Variants in PRKN observed in about 807,000 individuals in gnomAD.
The protein encoded by PRKN is parkin RBR E3 ubiquitin protein ligase.
PRKN carries 56 observed loss-of-function variants against 59.5 expected under a neutral mutation model. The observed-to-expected ratio is 0.94, with a 90% confidence interval of 0.76 to 1.18. PRKN has a LOEUF of 1.18. Among genes scored for constraint, PRKN ranks in the 50% most tolerant of loss-of-function variants. The pLI is 0.00. For synonymous variants in PRKN, 250 were observed against 222.1 expected (o/e 1.13, Z -1.12); for missense variants, 657 against 596.4 (o/e 1.10, Z -1.06).
chr6:161,516,695 C>T (rs1436198336), intron 9 of PRKN, among the ~76,000 whole-genome samples: 10 of 150,368 alleles, frequency 6.7e-5, no homozygotes, highest in East Asian at 2.0e-4. Context: ...GGCATGGTGT[C>T]GCATGCTTAT....
At chr6:161,826,451 T>C (rs1013545720) in intron 6 of PRKN, among the ~76,000 whole-genome samples, 1 of 152,198 alleles carries the variant, frequency 6.6e-6, no homozygotes, top group African/African-American at 2.4e-5. Context: ...GCAAAAATAG[T>C]ATATTTCTGC....
chr6:162,044,713 C>T (rs980321653), intron 5 of PRKN, among the ~76,000 whole-genome samples: 10 of 152,142 alleles, frequency 6.6e-5, no homozygotes, highest in Non-Finnish European at 1.2e-4. Flanking sequence ...TTATTCCTGT[C>T]ATTTCCTGTA....
intron 6 of PRKN, among the ~76,000 whole-genome samples, chr6:161,882,228 T>G (rs1003972722): frequency 6.6e-6 from 1 of 152,352 alleles, no homozygotes; most frequent in Non-Finnish European, 1.5e-5. Context: ...GACTTCCTTT[T>G]TGTTTGTACT....
intron 6 of PRKN, among the ~76,000 whole-genome samples, chr6:161,803,086 CA>C (rs1450782207): frequency 6.6e-6 from 1 of 152,178 alleles, no homozygotes; most frequent in Non-Finnish European, 1.5e-5. Flanking sequence ...GGACTTATAG[CA>C]GAGTGAATTC....
chr6:162,507,534 GAATA>G (rs1189506036), intron 1 of PRKN, among the ~76,000 whole-genome samples: 3 of 152,110 alleles, frequency 2.0e-5, no homozygotes, highest in Admixed American at 6.6e-5. Context: ...TGATTTTGAA[GAATA>G]AATGTTTTTA....
intron 1 of PRKN, among the ~76,000 whole-genome samples, chr6:162,452,077 C>T (rs1009400456): frequency 3.9e-5 from 6 of 151,902 alleles, no homozygotes; most frequent in East Asian, 1.9e-4. Context: ...CCAGAAGTGA[C>T]GGCACAATAT....
intron 1 of PRKN, among the ~76,000 whole-genome samples, chr6:162,693,609 A>G (rs907642324): frequency 6.6e-6 from 1 of 152,196 alleles, no homozygotes; most frequent in African/African-American, 2.4e-5. Context: ...ATTAAATTTC[A>G]TTCTTTATGA....
At chr6:161,801,373 T>C (rs1461659090) in intron 6 of PRKN, among the ~76,000 whole-genome samples, 1 of 152,168 alleles carries the variant, frequency 6.6e-6, no homozygotes, top group Non-Finnish European at 1.5e-5. Context: ...AGTTCACGGT[T>C]CTTTCGGGAG....
At chr6:161,679,556 CTTTTTTTTTTT>C (rs34325718) in intron 7 of PRKN, among the ~76,000 whole-genome samples, 1,804 of 109,040 alleles carry the variant, frequency 0.017, 47 homozygotes, top group African/African-American at 0.052. Flanking sequence ...AGTTTCAAGT[CTTTTTTTTTTT>C]TTTTTTTTTT....
At chr6:161,742,072 T>C (rs572087591) in intron 7 of PRKN, among the ~76,000 whole-genome samples, 1 of 152,048 alleles carries the variant, frequency 6.6e-6, no homozygotes, top group Non-Finnish European at 1.5e-5. Flanking sequence ...GAGGCTCAAG[T>C]GATTCTCCTG....
Position 162,316,503 on chromosome 6 carries a change from AGCTAAGTTTATCATT to A in PRKN, c.172-53753_172-53739del, listed in dbSNP as rs1200341965. 1.1e-4 allele frequency among the ~76,000 whole-genome samples: 17 copies of A among 152,258 alleles called. 1 individual carries two copies. In the South Asian group the frequency reaches 2.1e-3, roughly 19 times the overall value. ...AAACCATAATTTATGACTTTTTATAAGCTAAGTTTATCATTGCTAACACTGTTCTTTCTTTCATGC... is the reference window on the plus strand; with the variant it reads ...AAACCATAATTTATGACTTTTTATAAGCTAACACTGTTCTTTCTTTCATGC... On this transcript the variant is annotated intron_variant, in intron 2 of 11. Transcript: ENST00000366898.
At chr6:162,010,376 T>C (rs1213756806) in intron 5 of PRKN, among the ~76,000 whole-genome samples, 1 of 104,598 alleles carries the variant, frequency 9.6e-6, no homozygotes, top group Non-Finnish European at 1.8e-5. Context: ...TATACATTTA[T>C]AATATATAAT....
At chr6:161,684,505 A>T (rs1004414008) in intron 7 of PRKN, among the ~76,000 whole-genome samples, 6 of 152,198 alleles carry the variant, frequency 3.9e-5, no homozygotes, top group Non-Finnish European at 8.8e-5. Flanking sequence ...AAGTGAAGAA[A>T]AATTAAGTAT....
intron 2 of PRKN, among the ~76,000 whole-genome samples, chr6:162,274,144 T>C (rs113705754): frequency 0.012 from 1,804 of 152,028 alleles, 40 homozygotes; most frequent in African/African-American, 0.04. Flanking sequence ...ATATTATATC[T>C]TCTTGTAATT....
At chr6:162,450,035 G>T (rs1365943028) in intron 1 of PRKN, among the ~76,000 whole-genome samples, 1 of 152,190 alleles carries the variant, frequency 6.6e-6, no homozygotes, top group African/African-American at 2.4e-5. Context: ...AGTTTTTCTG[G>T]CTGAAGAAGC....
intron 7 of PRKN, among the ~76,000 whole-genome samples, chr6:161,741,342 A>G (rs764541514): frequency 6.6e-6 from 1 of 152,226 alleles, no homozygotes; most frequent in Non-Finnish European, 1.5e-5. Flanking sequence ...GAACAGAAGC[A>G]TAAGAGTAAC....
chr6:161,754,021 G>A (rs116604986), intron 7 of PRKN, among the ~76,000 whole-genome samples: 113 of 152,126 alleles, frequency 7.4e-4, no homozygotes, highest in African/African-American at 2.6e-3. Context: ...GTGTATCTGC[G>A]GAGGAATTTA....
At chr6:162,339,453 G>A (rs571061419) in intron 2 of PRKN, among the ~76,000 whole-genome samples, 6,678 of 56,548 alleles carry the variant, frequency 0.12, 190 homozygotes, top group Middle Eastern at 0.15. Context: ...TCTGCCCGGC[G>A]GCCCCTACTG....
intron 7 of PRKN, among the ~76,000 whole-genome samples, chr6:161,781,656 C>CTT (rs1159421574): frequency 6.6e-6 from 1 of 152,152 alleles, no homozygotes; most frequent in Non-Finnish European, 1.5e-5. Flanking sequence ...AGTGACCCAA[C>CTT]TTTGCTAATC....
Sources: allele counts gnomAD v4.1 joint callset (sites outside exome capture counted in the v4.1 genomes callset), GRCh38; gene constraint gnomAD v4.1.1; transcripts MANE v1.5; gene names NCBI Gene and HGNC (gene_info 2026-07-23, HGNC 2026-07-21).